The following RGS6 variants were observed in gnomAD, a reference collection of about 807,000 sequenced individuals.
The protein encoded by RGS6 is regulator of G protein signaling 6.
A neutral mutation model predicts 78.5 loss-of-function variants in RGS6; 30 were observed. The ratio of observed to expected loss-of-function variants is 0.38; its 90% CI spans 0.29 to 0.52. The LOEUF (loss-of-function observed/expected upper bound fraction) is 0.52, where lower values mean the gene tolerates loss of function less well. RGS6 is among the 20% of genes least tolerant of loss of function. The probability of loss-of-function intolerance (pLI) is 0.85; values close to 1 mark genes in which losing one functional copy is unlikely to be tolerated. For missense variants in RGS6, 495 were observed against 609.7 expected (o/e 0.81, Z 1.98); for synonymous variants, 206 against 206.0 (o/e 1.00, Z 0.00).
chr14:71,929,196 C>A (rs2152920510), upstream of RGS6, among the ~76,000 whole-genome samples: 1 of 152,280 alleles, frequency 6.6e-6, no homozygotes, highest in African/African-American at 2.4e-5. Flanking sequence ...TCCATTGAAT[C>A]CACAGAATCC....
chr14:72,170,708 C>G (rs535986184), intron 2 of RGS6, among the ~76,000 whole-genome samples: 1 of 152,208 alleles, frequency 6.6e-6, no homozygotes, highest in Admixed American at 6.5e-5. Context: ...ACATATTTAC[C>G]TATTCATCCA....
At chr14:72,601,044 A>AAGGGGGAAGAGGAGGAGG in the RGS6 span, among the ~76,000 whole-genome samples, 1 of 111,644 alleles carries the variant, frequency 9.0e-6, no homozygotes, top group Non-Finnish European at 1.8e-5. Context: ...AGAGGAGGAG[A>AAGGGGGAAGAGGAGGAGG]AGGGGGAAGA....
chr14:72,127,205 G>A (rs2096215712), intron 2 of RGS6, among the ~76,000 whole-genome samples: 1 of 151,932 alleles, frequency 6.6e-6, no homozygotes, highest in Non-Finnish European at 1.5e-5. Flanking sequence ...TATAAAAATA[G>A]GAAAAAAATA....
chr14:71,909,518 T>A, the RGS6 span, among the ~76,000 whole-genome samples: 3 of 135,974 alleles, frequency 2.2e-5, no homozygotes, highest in Admixed American at 7.4e-5. Flanking sequence ...GGACAGAGGG[T>A]GTGGGGAGAG....
rs541701078 is a variant in RGS6 at position 72,544,985 on chromosome 14, C to T, written c.1422+4891C>T. 3.8e-4 allele frequency among the ~76,000 whole-genome samples: 58 copies of T among 152,330 alleles called. 1 individual carries two copies. The highest frequency in any genetic ancestry group is 1.4e-3 in the African/African-American group (57 of 41,576). Reference sequence around the variant, plus strand: ...GAAGCAGCTCCTGCCCCCAGGAAGGCGGTGTTGTTTTCCCCTCCTCCTCAA... The same window carrying T: ...GAAGCAGCTCCTGCCCCCAGGAAGGTGGTGTTGTTTTCCCCTCCTCCTCAA... On this transcript the variant is annotated intron_variant, in intron 17 of 17. Transcript: ENST00000553525.
chr14:72,320,194 C>T (rs796485778), intron 2 of RGS6, among the ~76,000 whole-genome samples: 4 of 152,278 alleles, frequency 2.6e-5, no homozygotes, highest in African/African-American at 7.2e-5. Context: ...GTTTTATGCA[C>T]AGCCAAACTG....
At chr14:72,288,380 A>T (rs17110371) in intron 2 of RGS6, among the ~76,000 whole-genome samples, 1,871 of 152,312 alleles carry the variant, frequency 0.012, 78 homozygotes, top group East Asian at 0.093. Flanking sequence ...AATGGAAGGG[A>T]TCCAGTGCTG....
At chr14:72,311,073 G>A (rs1052886662) in intron 2 of RGS6, among the ~76,000 whole-genome samples, 8 of 152,202 alleles carry the variant, frequency 5.3e-5, no homozygotes, top group African/African-American at 1.4e-4. Context: ...CACTCTAGCC[G>A]AAGAATGTAG....
At chr14:71,911,030 A>G in the RGS6 span, among the ~76,000 whole-genome samples, 2 of 152,116 alleles carry the variant, frequency 1.3e-5, no homozygotes, top group Non-Finnish European at 2.9e-5. Flanking sequence ...TTCTGATCTC[A>G]TAGAGATCTG....
intron 2 of RGS6, among the ~76,000 whole-genome samples, chr14:72,318,288 C>G (rs2070885546): frequency 6.6e-6 from 1 of 152,190 alleles, no homozygotes; most frequent in Non-Finnish European, 1.5e-5. Context: ...CTAGCCTTTT[C>G]ACATTTTTCT....
At chr14:71,888,674 G>T in the RGS6 span, among the ~76,000 whole-genome samples, 9 of 151,984 alleles carry the variant, frequency 5.9e-5, no homozygotes, top group African/African-American at 2.2e-4. Flanking sequence ...AAAAATAGGT[G>T]GTCAAGGGAA....
intron 3 of RGS6, among the ~76,000 whole-genome samples, chr14:72,371,927 A>G (rs1056953290): frequency 2.6e-5 from 4 of 152,210 alleles, no homozygotes; most frequent in African/African-American, 9.6e-5. Flanking sequence ...GTGACTATGG[A>G]TTTCACTGTA....
In RGS6 at chr14:72,393,184, C is replaced by G. The variant is rs368970688; in HGVS notation, c.184+40990C>G. 2.6e-5 allele frequency among the ~76,000 whole-genome samples: 4 copies of G among 152,314 alleles called. No homozygotes were observed. The East Asian group carries it at 7.7e-4, about 29-fold the overall frequency. On this transcript the variant is annotated intron_variant, in intron 3 of 17. Transcript: ENST00000553525. The stretch of plus-strand genomic sequence containing the variant: ...CCAAGCCACCCCTATGCATGAAGAT[C>G]TGACACATTTTTGTCCGCACTTTTC...
chr14:72,109,134 CT>C (rs1241131819), intron 2 of RGS6, among the ~76,000 whole-genome samples: 4 of 151,204 alleles, frequency 2.6e-5, no homozygotes, highest in African/African-American at 4.8e-5. Flanking sequence ...TGAATCTTCT[CT>C]TTTTTTTTCT....
chr14:72,449,218 T>C (rs2095436032), intron 3 of RGS6, among the ~76,000 whole-genome samples: 1 of 152,260 alleles, frequency 6.6e-6, no homozygotes, highest in Non-Finnish European at 1.5e-5. Flanking sequence ...AGAAACATTT[T>C]ACTCAAAAGA....
At chr14:71,990,740 C>G (rs1397485708) in intron 2 of RGS6, 1 of 456,000 alleles carries the variant, frequency 2.2e-6, no homozygotes, top group East Asian at 6.9e-5. Flanking sequence ...TTGAGGATCC[C>G]CAAATTGCTA....
At chr14:72,519,396 C>T (rs2096998921) in intron 15 of RGS6, among the ~76,000 whole-genome samples, 1 of 152,224 alleles carries the variant, frequency 6.6e-6, no homozygotes, top group Non-Finnish European at 1.5e-5. Flanking sequence ...ACCCCACTTA[C>T]TTCTCTCACC....
intron 2 of RGS6, among the ~76,000 whole-genome samples, chr14:72,327,477 T>G (rs986987175): frequency 6.6e-6 from 1 of 152,266 alleles, no homozygotes; most frequent in African/African-American, 2.4e-5. Context: ...TGCTTTGCTG[T>G]GTTTTTAATT....
intron 3 of RGS6, among the ~76,000 whole-genome samples, chr14:72,372,165 T>C (rs2083637280): frequency 2.0e-5 from 3 of 152,256 alleles, no homozygotes; most frequent in Admixed American, 2.0e-4. Context: ...GACATGTTAA[T>C]ATAATTATGC....
Sources: gnomAD v4.1 joint callset for allele counts (sites outside exome capture counted in the v4.1 genomes callset) on GRCh38, gnomAD v4.1.1 for gene constraint, MANE v1.5 for transcripts, NCBI Gene and HGNC (gene_info 2026-07-23, HGNC 2026-07-21) for gene names.